The following BANK1 variants were observed in gnomAD, a reference collection of about 807,000 sequenced individuals.
BANK1 encodes B cell scaffold protein with ankyrin repeats 1.
BANK1 carries 95 observed loss-of-function variants against 94.5 expected under a neutral mutation model. That is an observed-to-expected ratio of 1.00 (90% CI 0.85 to 1.19). The LOEUF (loss-of-function observed/expected upper bound fraction) is 1.19. BANK1 is among the 50% of genes most tolerant of loss of function. The pLI, the probability that BANK1 is intolerant of heterozygous loss-of-function variation, is 0.00. For missense variants in BANK1, 987 were observed against 932.2 expected (o/e 1.06, Z -0.77); for synonymous variants, 334 against 308.4 (o/e 1.08, Z -0.87).
intron 7 of BANK1, among the ~76,000 whole-genome samples, chr4:102,007,144 T>TATATATATATATATATATA (rs1553940695): frequency 1.2e-5 from 1 of 83,944 alleles, no homozygotes; most frequent in Non-Finnish European, 2.4e-5. Context: ...AAAAAATATA[T>TATATATATATATATATATA]TTTATATATA....
chr4:101,858,921 G>T (rs1727774978), intron 3 of BANK1, among the ~76,000 whole-genome samples: 1 of 152,058 alleles, frequency 6.6e-6, no homozygotes. Context: ...CCCTTCGACA[G>T]ACCATGGATT....
chr4:102,065,459 G>A (rs1424316634), intron 13 of BANK1, among the ~76,000 whole-genome samples: 1 of 152,054 alleles, frequency 6.6e-6, no homozygotes, highest in Non-Finnish European at 1.5e-5. Context: ...GAGAACTACC[G>A]TCATCAGAAG....
At chr4:102,053,769 G>A (rs149923045) in intron 11 of BANK1, among the ~76,000 whole-genome samples, 227 of 151,582 alleles carry the variant, frequency 1.5e-3, no homozygotes, top group African/African-American at 5.0e-3. Context: ...AGAAAAATAC[G>A]TAATGTAACA....
chr4:101,857,784 A>G (rs560771420), intron 3 of BANK1, among the ~76,000 whole-genome samples: 6 of 152,302 alleles, frequency 3.9e-5, no homozygotes, highest in African/African-American at 1.4e-4. Flanking sequence ...TGTGTCTTTG[A>G]GAAATACCTA....
chr4:101,926,309 C>G (rs1471981796), intron 7 of BANK1, among the ~76,000 whole-genome samples: 1 of 151,588 alleles, frequency 6.6e-6, no homozygotes, highest in Non-Finnish European at 1.5e-5. Flanking sequence ...GCAACACTCT[C>G]TTTGTGATAT....
At chr4:102,003,634 T>A (rs934538231) in intron 7 of BANK1, among the ~76,000 whole-genome samples, 1 of 152,052 alleles carries the variant, frequency 6.6e-6, no homozygotes, top group Non-Finnish European at 1.5e-5. Context: ...ACTTGTGCCC[T>A]TTTTTTAGTC....
intron 1 of BANK1, among the ~76,000 whole-genome samples, chr4:101,793,479 A>G (rs778010017): frequency 4.6e-5 from 7 of 152,224 alleles, no homozygotes; most frequent in Non-Finnish European, 1.0e-4. Flanking sequence ...GAAAAATGCA[A>G]TTGCTGAAGA....
At chr4:101,811,996 T>C (rs889942504) in intron 1 of BANK1, among the ~76,000 whole-genome samples, 4 of 152,174 alleles carry the variant, frequency 2.6e-5, no homozygotes, top group African/African-American at 7.2e-5. Context: ...TAAATAACTA[T>C]TACATAAACA....
chr4:102,004,118 G>T (rs1726169663), intron 7 of BANK1, among the ~76,000 whole-genome samples: 1 of 151,678 alleles, frequency 6.6e-6, no homozygotes, highest in Non-Finnish European at 1.5e-5. Context: ...TCATCTATCT[G>T]CCCTCCACTA....
chr4:101,883,745 G>A (rs932657992), intron 5 of BANK1, among the ~76,000 whole-genome samples: 9 of 152,120 alleles, frequency 5.9e-5, no homozygotes, highest in African/African-American at 1.7e-4. Flanking sequence ...AAGAAGAAAC[G>A]TTTTAAAACA....
intron 7 of BANK1, among the ~76,000 whole-genome samples, chr4:102,013,112 G>A (rs1416467773): frequency 6.6e-6 from 1 of 152,078 alleles, no homozygotes; most frequent in Non-Finnish European, 1.5e-5. Flanking sequence ...ATGCTCAAAA[G>A]CAAAGTTTTT....
At chr4:101,894,674 A>G (rs889025008) in intron 5 of BANK1, among the ~76,000 whole-genome samples, 1 of 152,024 alleles carries the variant, frequency 6.6e-6, no homozygotes, top group African/African-American at 2.4e-5. Context: ...GACATAAGAC[A>G]ACTTGAAAAG....
intron 1 of BANK1, among the ~76,000 whole-genome samples, chr4:101,791,608 T>A (rs113546307): frequency 2.6e-5 from 4 of 152,366 alleles, no homozygotes; most frequent in African/African-American, 9.6e-5. Context: ...TGCAAATTAC[T>A]CAGTGATATA....
chr4:101,873,900 CT>C (rs1222881648), intron 5 of BANK1, among the ~76,000 whole-genome samples: 1 of 151,946 alleles, frequency 6.6e-6, no homozygotes, highest in Non-Finnish European at 1.5e-5. Flanking sequence ...ACAAAAATGT[CT>C]TGGGGAAATA....
At chr4:101,821,531 A>G (rs531847818) in intron 1 of BANK1, among the ~76,000 whole-genome samples, 3 of 152,018 alleles carry the variant, frequency 2.0e-5, no homozygotes, top group African/African-American at 4.8e-5. Flanking sequence ...GCCCATTTCT[A>G]TGTCTAGGAT....
chr4:101,824,516 A>C (rs1245859896), intron 1 of BANK1, among the ~76,000 whole-genome samples: 1 of 152,228 alleles, frequency 6.6e-6, no homozygotes, highest in African/African-American at 2.4e-5. Context: ...TTTTGTTCTC[A>C]TGTTGTACTA....
At chr4:101,857,062 C>T (rs567071413) in intron 3 of BANK1, among the ~76,000 whole-genome samples, 10 of 152,230 alleles carry the variant, frequency 6.6e-5, no homozygotes, top group East Asian at 1.9e-4. Flanking sequence ...AGACTTGCCA[C>T]GACAACTTTC....
chr4:101,904,849 G>T (rs1722394966), intron 6 of BANK1, among the ~76,000 whole-genome samples: 1 of 152,190 alleles, frequency 6.6e-6, no homozygotes, highest in Non-Finnish European at 1.5e-5. Context: ...AATTGAGTGG[G>T]TTGAATTGGC....
chr4:102,069,989 G>A (rs1728708470), intron 13 of BANK1, among the ~76,000 whole-genome samples: 1 of 151,802 alleles, frequency 6.6e-6, no homozygotes, highest in South Asian at 2.1e-4. Flanking sequence ...ATTCTTAGGG[G>A]TGGCAAATAT....
Sources: allele counts gnomAD v4.1 joint callset (sites outside exome capture counted in the v4.1 genomes callset), GRCh38; gene constraint gnomAD v4.1.1; transcripts MANE v1.5; gene names NCBI Gene and HGNC (gene_info 2026-07-23, HGNC 2026-07-21).